TAF5L: variants seen among roughly 807,000 people sequenced by gnomAD.
TAF5L encodes the protein TAF5-like RNA polymerase II p300/CBP-associated factor-associated factor 65 kDa subunit 5L.
A neutral mutation model predicts 51.3 loss-of-function variants in TAF5L; 7 were observed. The ratio of observed to expected loss-of-function variants is 0.14; its 90% CI spans 0.08 to 0.26. The LOEUF is 0.26. Ranked by LOEUF, TAF5L falls within the 10% of genes least tolerant of loss-of-function variation. TAF5L has a pLI of 1.00. For synonymous variants in TAF5L, 291 were observed against 308.1 expected (o/e 0.94, Z 0.58); for missense variants, 575 against 758.9 (o/e 0.76, Z 2.85).
At position 229,602,798 on chromosome 1, in the gene TAF5L, G is replaced by A. The variant is rs1664435443; in HGVS notation, c.369C>T (p.Phe123=). 8 of 1,613,968 alleles carry A rather than the reference G, an allele frequency of 5.0e-6. No homozygotes were observed. Among genetic ancestry groups the A allele is most frequent in the Admixed American group, 3.3e-5 (2 of 59,994 alleles). The change falls in exon 4 of 5, where the codon TTC becomes TTT. Residue 123 remains phenylalanine, a synonymous_variant. Coordinates refer to ENST00000258281, the Ensembl canonical transcript of TAF5L. The surrounding 1 kb of genome is among the most constrained non-coding windows in gnomAD (Gnocchi z 4.6). Reference sequence around the variant, plus strand: ...TAGCATTCTGCAGAAACATTCCATGGAAGCGGCTGTAAAAACTTTCCACTG... The same window carrying A: ...TAGCATTCTGCAGAAACATTCCATGAAAGCGGCTGTAAAAACTTTCCACTG...
At chr1:229,601,376 T>C (rs1664366945) in intron 4 of TAF5L, 4 of 985,302 alleles carry the variant, frequency 4.1e-6, no homozygotes, top group Non-Finnish European at 3.6e-6. Context: ...TCAGTGGTGA[T>C]AAGACAAAAA....
At chr1:229,622,367 C>T (rs377340816) in intron 1 of TAF5L, among the ~76,000 whole-genome samples, 1 of 152,068 alleles carries the variant, frequency 6.6e-6, no homozygotes. Context: ...GAGCCCCAAA[C>T]ATGAGACTTT....
intron 1 of TAF5L, among the ~76,000 whole-genome samples, chr1:229,618,396 A>C (rs573149616): frequency 1.2e-4 from 19 of 152,362 alleles, no homozygotes; most frequent in Admixed American, 4.6e-4. Flanking sequence ...TATTTCTGGA[A>C]ATCAAAAATT....
intron 1 of TAF5L, among the ~76,000 whole-genome samples, chr1:229,619,128 C>T (rs1488920007): frequency 6.6e-6 from 1 of 152,160 alleles, no homozygotes; most frequent in Non-Finnish European, 1.5e-5. Context: ...GTTCTCTTCA[C>T]TCACAGCAAC....
At chr1:229,610,207 T>G in exon 3 of TAF5L, 1 of 1,614,076 alleles carries the variant, frequency 6.2e-7, no homozygotes, top group Non-Finnish European at 8.5e-7. Flanking sequence ...AGATTCTGAT[T>G]GCACTAAAGA....
chr1:229,614,016 G>A (rs1323003336), intron 2 of TAF5L: 1 of 588,660 alleles, frequency 1.7e-6, no homozygotes, highest in African/African-American at 1.9e-5. Flanking sequence ...CTGTCCCTAA[G>A]GGTCTTGTAG....
At chr1:229,610,293 G>A (rs1664741376) in intron 2 of TAF5L, 83 bp from the exon 3 acceptor site, 1 of 1,316,326 alleles carries the variant, frequency 7.6e-7, no homozygotes, top group Non-Finnish European at 1.1e-6. Context: ...GGGTGAAGGA[G>A]GGTGTTGTGC....
intron 4 of TAF5L, chr1:229,599,307 A>G: frequency 1.7e-6 from 1 of 572,510 alleles, no homozygotes; most frequent in Non-Finnish European, 2.2e-6. Flanking sequence ...ATAATTACAT[A>G]CTATATAATT....
chr1:229,625,821 C>G lies in TAF5L; in HGVS notation c.-4+64G>C, dbSNP rs1261350590. On this transcript the variant is annotated intron_variant, in intron 1 of 4. Transcript: ENST00000258281. This position sits in a 1 kb window ranked among gnomAD's most constrained non-coding sequence, Gnocchi z 4.0. ...AGGCCCCACCGCCCCGGCCCCCGCC[C>G]GCCCGCGCGCGCGCGCGCCTCGCGA... 1.4e-5 allele frequency: 2 copies of G among 138,178 alleles called. No homozygotes were observed. The highest frequency in any genetic ancestry group is 3.2e-5 in the Non-Finnish European group (2 of 62,540). The allele number at this position is 138,178 out of a possible 1,614,324, so 8.6% of individuals were successfully genotyped here.
intron 3 of TAF5L, among the ~76,000 whole-genome samples, chr1:229,605,612 A>AT (rs71173751): frequency 0.14 from 21,104 of 149,712 alleles, 2,686 homozygotes; most frequent in East Asian, 0.42. Flanking sequence ...CTGTGAAGGT[A>AT]TTTTTTTTTT....
At chr1:229,614,191 A>T in intron 2 of TAF5L, 150 bp downstream of exon 2, 1 of 1,287,252 alleles carries the variant, frequency 7.8e-7, no homozygotes, top group Non-Finnish European at 1.1e-6. Flanking sequence ...TCTGAGGCCA[A>T]CATCATTCAC....
chr1:229,605,990 A>G (rs1664584111), intron 3 of TAF5L: 1 of 348,752 alleles, frequency 2.9e-6, no homozygotes, highest in Non-Finnish European at 4.0e-6. Context: ...ATTGGGATGA[A>G]GGATTGTTTT....
chr1:229,623,612 A>G (rs1186802068), intron 1 of TAF5L, among the ~76,000 whole-genome samples: 2 of 152,212 alleles, frequency 1.3e-5, no homozygotes, highest in Non-Finnish European at 2.9e-5. Flanking sequence ...CAAATCTGTC[A>G]CAGAACTTAC....
chr1:229,602,965 A>C lies in TAF5L; in HGVS notation c.248-46T>G. 6.6e-7 allele frequency: 1 copy of C among 1,525,800 alleles called. No homozygotes were observed. The highest frequency in any genetic ancestry group is 8.7e-7 in the Non-Finnish European group (1 of 1,148,256). 94.5% of individuals were successfully genotyped at this position (1,525,800 alleles called of 1,614,324 possible). On this transcript the variant is annotated intron_variant, in intron 3 of 4. Transcript: ENST00000258281. The surrounding 1 kb of genome is among the most constrained non-coding windows in gnomAD (Gnocchi z 4.6). Reference sequence around the variant, plus strand: ...GGCTTTATAATCAGCATAATCTTACAGAATAACGTGATCCCTCCTGGGGAT... The same window carrying C: ...GGCTTTATAATCAGCATAATCTTACCGAATAACGTGATCCCTCCTGGGGAT...
At chr1:229,593,243 G>A (rs756356741) in exon 5 of TAF5L, 11 of 152,090 alleles carry the variant, frequency 7.2e-5, no homozygotes, top group Admixed American at 2.0e-4. Context: ...TTTGATATGC[G>A]TGCGTACATA....
At chr1:229,610,943 T>G (rs947851851) in intron 2 of TAF5L, among the ~76,000 whole-genome samples, 1 of 152,196 alleles carries the variant, frequency 6.6e-6, no homozygotes, top group African/African-American at 2.4e-5. Context: ...ATTTTTGAAG[T>G]TTTCTTCTGT....
At chr1:229,612,496 G>A (rs1247582014) in intron 2 of TAF5L, among the ~76,000 whole-genome samples, 1 of 152,184 alleles carries the variant, frequency 6.6e-6, no homozygotes, top group Non-Finnish European at 1.5e-5. Context: ...CAAACAATAA[G>A]GCACTTAGTA....
chr1:229,613,489 A>C (rs1420107842), intron 2 of TAF5L, among the ~76,000 whole-genome samples: 1 of 152,210 alleles, frequency 6.6e-6, no homozygotes, highest in African/African-American at 2.4e-5. Context: ...CAAGTCAAAA[A>C]TATTTGGGGA....
At chr1:229,620,600 G>A (rs545273100) in intron 1 of TAF5L, among the ~76,000 whole-genome samples, 4 of 152,286 alleles carry the variant, frequency 2.6e-5, no homozygotes, top group African/African-American at 9.6e-5. Flanking sequence ...TAAAAATAAC[G>A]TGAGTGCTAT....
Sources: gnomAD v4.1 joint callset for allele counts (sites outside exome capture counted in the v4.1 genomes callset) on GRCh38, gnomAD v4.1.1 for gene constraint, Gnocchi (gnomAD v3.1) non-coding constraint, MANE v1.5 for transcripts, NCBI Gene and HGNC (gene_info 2026-07-23, HGNC 2026-07-21) for gene names.